DMD: variants seen among roughly 807,000 people sequenced by gnomAD.
DMD encodes the protein mutant dystrophin.
Under a neutral mutation model 330.1 loss-of-function variants are expected in DMD, and 63 were observed. That is an observed-to-expected ratio of 0.19 (90% CI 0.16 to 0.24). The LOEUF (loss-of-function observed/expected upper bound fraction) is 0.24, where lower values mean the gene tolerates loss of function less well. DMD is among the 10% of genes least tolerant of loss of function. The pLI is 1.00. For missense variants in DMD, 3,344 were observed against 2,684.1 expected (o/e 1.25, Z -5.43); for synonymous variants, 1,223 against 959.8 (o/e 1.27, Z -5.07).
At chrX:32,132,435 G>T (rs969743500) in intron 44 of DMD, among the ~76,000 whole-genome samples, 2 of 111,851 alleles carry the variant, frequency 1.8e-5, no homozygotes, top group African/African-American at 6.5e-5. Context: ...GTGAAATGAG[G>T]ATAATGAGGC....
At chrX:32,063,867 C>G (rs1315004306) in intron 44 of DMD, among the ~76,000 whole-genome samples, 2 of 111,023 alleles carry the variant, frequency 1.8e-5, no homozygotes, top group African/African-American at 6.5e-5. Flanking sequence ...ATTTCACAAA[C>G]TATATAAGTT....
intron 47 of DMD, among the ~76,000 whole-genome samples, chrX:31,910,955 T>A (rs1278842573): frequency 4.4e-5 from 5 of 112,404 alleles, no homozygotes; most frequent in African/African-American, 1.6e-4. Flanking sequence ...ACTGTTTCCC[T>A]TACTAAATCC....
At chrX:31,405,595 A>G (rs1295118932) in intron 60 of DMD, among the ~76,000 whole-genome samples, 1 of 111,940 alleles carries the variant, frequency 8.9e-6, no homozygotes, top group Non-Finnish European at 1.9e-5. Context: ...TTAATAAGAA[A>G]GAGCTACAAA....
intron 62 of DMD, among the ~76,000 whole-genome samples, chrX:31,271,555 T>C (rs1356689932): frequency 9.0e-6 from 1 of 111,639 alleles, no homozygotes; most frequent in African/African-American, 3.3e-5. Flanking sequence ...AACTGGGTAC[T>C]TGCCTGGAGG....
At chrX:31,846,434 TAC>T (rs67231830) in intron 48 of DMD, among the ~76,000 whole-genome samples, 8,646 of 95,121 alleles carry the variant, frequency 0.091, 336 homozygotes, top group Middle Eastern at 0.16. Flanking sequence ...AATCAAGAAA[TAC>T]ACACACACAC....
At chrX:31,310,201 CTCTCCAT>C (rs1569523681) in intron 62 of DMD, among the ~76,000 whole-genome samples, 5 of 93,194 alleles carry the variant, frequency 5.4e-5, no homozygotes, top group Admixed American at 1.1e-4. Flanking sequence ...CTCTCTCTCT[CTCTCCAT>C]ATATATATAT....
chrX:31,936,552 T>C (rs932058260), intron 45 of DMD, among the ~76,000 whole-genome samples: 1 of 111,948 alleles, frequency 8.9e-6, no homozygotes, highest in Non-Finnish European at 1.9e-5. Context: ...CCATTTTTCC[T>C]GTGTTTTCCT....
At chrX:31,421,948 TATATATATATACAC>T (rs1210078331) in intron 60 of DMD, among the ~76,000 whole-genome samples, 21 of 81,666 alleles carry the variant, frequency 2.6e-4, no homozygotes, top group African/African-American at 8.5e-4. Flanking sequence ...CACACATATA[TATATATATATACAC>T]ATATATATAT....
chrX:32,357,516 C>A lies in DMD; in HGVS notation c.5325+5272G>T, dbSNP rs1450334200. On this transcript the variant is annotated intron_variant, in intron 37 of 78. Transcript: ENST00000357033. Reference sequence around the variant, plus strand: ...CTGATCTAGACTGAAATTTCCTTTCCACTCCCATAGCTATCCCTTTTTTTG... The same window carrying A: ...CTGATCTAGACTGAAATTTCCTTTCAACTCCCATAGCTATCCCTTTTTTTG... 5.4e-5 allele frequency among the ~76,000 whole-genome samples: 6 copies of A among 110,874 alleles called. No individual in the cohort carries two copies. The Admixed American group carries it at 5.8e-4, about 11-fold the overall frequency.
chrX:32,964,129 G>A (rs778256478), intron 2 of DMD, among the ~76,000 whole-genome samples: 2 of 106,850 alleles, frequency 1.9e-5, no homozygotes, highest in African/African-American at 6.9e-5. Flanking sequence ...GGTGGTGCGC[G>A]TCTGTAGTCC....
intron 9 of DMD, among the ~76,000 whole-genome samples, chrX:32,647,174 G>C (rs780378108): frequency 3.4e-4 from 38 of 111,610 alleles, no homozygotes; most frequent in African/African-American, 1.2e-3. Context: ...ATACTATCCT[G>C]AAATTGTAAA....
At chrX:32,726,942 G>A (rs766986142) in intron 7 of DMD, among the ~76,000 whole-genome samples, 11 of 110,427 alleles carry the variant, frequency 1.0e-4, no homozygotes, top group East Asian at 2.8e-4. Context: ...CACCAAAAGT[G>A]AGCCCAATAA....
intron 2 of DMD, among the ~76,000 whole-genome samples, chrX:32,937,205 T>C (rs939306152): frequency 5.4e-5 from 6 of 110,595 alleles, no homozygotes; most frequent in African/African-American, 1.6e-4. Flanking sequence ...CCAGACCCAA[T>C]AGAAATGCAA....
rs2095406874 is a variant in DMD, at chrX:33,118,919, G to A, written c.31+92363C>T. ...TCTCAGCATGCTTCTTCACCACTGT[G>A]GAAGAGCTTCCCAGTACAACTACTA... On this transcript the variant is annotated intron_variant, in intron 1 of 78. Coordinates refer to ENST00000357033, the MANE Select transcript of DMD (RefSeq NM_004006.3). Among the ~76,000 whole-genome samples, 3 of 111,837 alleles carry A rather than the reference G, an allele frequency of 2.7e-5. No individual in the cohort carries two copies. In the Admixed American group the frequency reaches 2.9e-4, roughly 11 times the overall value.
At chrX:32,223,749 T>G (rs141454558) in intron 43 of DMD, among the ~76,000 whole-genome samples, 129 of 112,171 alleles carry the variant, frequency 1.2e-3, no homozygotes, top group African/African-American at 3.7e-3. Context: ...GTCAGACTTA[T>G]AAATTTCAAT....
At chrX:32,724,488 A>G (rs1172768833) in intron 7 of DMD, among the ~76,000 whole-genome samples, 1 of 111,861 alleles carries the variant, frequency 8.9e-6, no homozygotes. Flanking sequence ...AGGAGCTGTT[A>G]ACATAATTGA....
At chrX:32,606,810 A>G (rs1454355048) in intron 12 of DMD, among the ~76,000 whole-genome samples, 1 of 108,321 alleles carries the variant, frequency 9.2e-6, no homozygotes, top group Admixed American at 1.0e-4. Context: ...ACAGCCTAAG[A>G]AAGTATGAAA....
chrX:32,493,591 C>T (rs182557406), intron 19 of DMD, among the ~76,000 whole-genome samples: 2 of 110,810 alleles, frequency 1.8e-5, no homozygotes, highest in African/African-American at 3.3e-5. Flanking sequence ...TTAAGCGATG[C>T]GATTAAGTAA....
At chrX:31,274,324 T>A (rs1012642174) in intron 62 of DMD, among the ~76,000 whole-genome samples, 8 of 112,118 alleles carry the variant, frequency 7.1e-5, no homozygotes, top group African/African-American at 2.6e-4. Context: ...AAAATATGAA[T>A]AGTATTCACG....
Sources: allele counts gnomAD v4.1 joint callset (sites outside exome capture counted in the v4.1 genomes callset), GRCh38; gene constraint gnomAD v4.1.1; transcripts MANE v1.5; gene names NCBI Gene and HGNC (gene_info 2026-07-23, HGNC 2026-07-21).